RUFY3: variants seen among roughly 807,000 people sequenced by gnomAD.
The protein encoded by RUFY3 is RUN and FYVE domain containing 3.
RUFY3 carries 34 observed loss-of-function variants against 84.0 expected under a neutral mutation model. The ratio of observed to expected loss-of-function variants is 0.40; its 90% CI spans 0.31 to 0.54. The LOEUF is 0.54. Among genes scored for constraint, RUFY3 ranks in the 20% least tolerant of loss-of-function variants. RUFY3 has a pLI of 0.39. For synonymous variants in RUFY3, 242 were observed against 252.9 expected (o/e 0.96, Z 0.41); for missense variants, 507 against 736.8 (o/e 0.69, Z 3.61).
intron 1 of RUFY3, among the ~76,000 whole-genome samples, chr4:70,743,155 G>A (rs1213151045): frequency 6.6e-6 from 1 of 152,042 alleles, no homozygotes; most frequent in African/African-American, 2.4e-5. Context: ...TGCAACTTCT[G>A]CCTCCTGGGG....
At chr4:70,740,300 C>G (rs1041111312) in intron 1 of RUFY3, among the ~76,000 whole-genome samples, 2 of 152,146 alleles carry the variant, frequency 1.3e-5, no homozygotes, top group African/African-American at 2.4e-5. Context: ...ATACTTAAAA[C>G]TTTAATCTCT....
At chr4:70,749,552 G>T (rs1196410722) in intron 1 of RUFY3, among the ~76,000 whole-genome samples, 1 of 150,434 alleles carries the variant, frequency 6.6e-6, no homozygotes, top group Non-Finnish European at 1.5e-5. Flanking sequence ...TATATACGGA[G>T]GTAGAAGAAA....
rs186375837 is a variant in RUFY3, at chr4:70,730,752, A to G, written c.178+8001A>G. On this transcript the variant is annotated intron_variant, in intron 1 of 17. Coordinates refer to ENST00000381006, the MANE Select transcript of RUFY3 (RefSeq NM_001037442.4). ...GAGTGAAACTCCATCTCAAAAATTA[A>G]AAAAAGTAAAATAAGCTGACATTCA... Among the ~76,000 whole-genome samples, 264 of 152,062 alleles carry G rather than the reference A, an allele frequency of 1.7e-3. 3 individuals carry two copies. Among genetic ancestry groups the G allele is most frequent in the Non-Finnish European group, 1.3e-3 (87 of 67,996 alleles).
intron 1 of RUFY3, among the ~76,000 whole-genome samples, chr4:70,737,346 T>G (rs1167327810): frequency 1.3e-5 from 2 of 152,194 alleles, no homozygotes; most frequent in Non-Finnish European, 2.9e-5. Flanking sequence ...ATTTGCTTTT[T>G]GGGATGAAAA....
rs571075193 is a variant in RUFY3 at position 70,807,480 on chromosome 4, G to A, written c.*821G>A. Among the ~76,000 whole-genome samples, 1 of 152,268 alleles carries A rather than the reference G, an allele frequency of 6.6e-6. No individual in the cohort carries two copies. Among genetic ancestry groups the A allele is most frequent in the East Asian group, 1.9e-4 (1 of 5,184 alleles). ...AAATAGGGTTTGGCTTTTGCAAATAGAAGATATTGATTAAAGCAAAGTCAA... is the reference window on the plus strand; with the variant it reads ...AAATAGGGTTTGGCTTTTGCAAATAAAAGATATTGATTAAAGCAAAGTCAA... On this transcript the variant is annotated 3_prime_UTR_variant, in exon 18 of 18. Coordinates refer to ENST00000381006, the MANE Select transcript of RUFY3 (RefSeq NM_001037442.4).
chr4:70,806,709 C>A lies in RUFY3; in HGVS notation c.*50C>A. ...AAACGTTTATGCAGGCTCCTCTGTA[C>A]CTGTGTTTTAGCTGTCAGGATCTCA... On this transcript the variant is annotated 3_prime_UTR_variant, in exon 18 of 18. Transcript: ENST00000381006. 1 of 1,604,920 alleles carries A rather than the reference C, an allele frequency of 6.2e-7. No individual in the cohort carries two copies.
chr4:70,793,983 A>T (rs1345223002), intron 13 of RUFY3, 79 bp downstream of exon 13: 3 of 1,509,936 alleles, frequency 2.0e-6, no homozygotes, highest in Non-Finnish European at 2.7e-6. Flanking sequence ...GGGTCTCATG[A>T]CTTCCAGCCA....
intron 2 of RUFY3, 105 bp downstream of exon 2, chr4:70,762,797 TTAA>T: frequency 4.2e-6 from 4 of 942,046 alleles, no homozygotes; most frequent in Non-Finnish European, 6.3e-6. Context: ...GAGGCTTGAA[TTAA>T]TAATATTAAT....
intron 8 of RUFY3, among the ~76,000 whole-genome samples, 168 bp from the exon 9 acceptor site, chr4:70,782,920 AAAG>A (rs1242688974): frequency 2.6e-5 from 4 of 152,168 alleles, no homozygotes; most frequent in Admixed American, 2.6e-4. Flanking sequence ...TCAGAAAAAT[AAAG>A]AAAAATATTT....
chr4:70,779,039 A>C (rs1728462347), intron 8 of RUFY3, among the ~76,000 whole-genome samples: 1 of 152,228 alleles, frequency 6.6e-6, no homozygotes, highest in Non-Finnish European at 1.5e-5. Flanking sequence ...AATGTTTAGC[A>C]TATAGCATAT....
In RUFY3 at chr4:70,794,544, G is replaced by A. The variant is rs1487951418; in HGVS notation, c.1458-251G>A. 7 of 423,240 alleles carry A rather than the reference G, an allele frequency of 1.7e-5. 1 individual carries two copies. Among genetic ancestry groups the A allele is most frequent in the Non-Finnish European group, 2.9e-5 (7 of 241,296 alleles). The allele number at this position is 423,240 out of a possible 1,614,324, so 26.2% of individuals were successfully genotyped here. On this transcript the variant is annotated intron_variant, in intron 13 of 17. Transcript: ENST00000381006. ...TACGGTGACCTGAGATCATGCCACT[G>A]CACTCCAGCCTGGCAACAGAACAAG...
intron 4 of RUFY3, among the ~76,000 whole-genome samples, chr4:70,767,860 G>A (rs533081934): frequency 6.6e-6 from 1 of 152,044 alleles, no homozygotes; most frequent in East Asian, 1.9e-4. Context: ...TGTATTTTTA[G>A]TAGAGATGGG....
chr4:70,789,429 AG>A, intron 11 of RUFY3, 65 bp from the exon 12 acceptor site: 1 of 1,365,920 alleles, frequency 7.3e-7, no homozygotes, highest in Non-Finnish European at 1.0e-6. Context: ...TAGATTCAAA[AG>A]GCATGTGTGG....
At chr4:70,799,992 GAA>G in intron 14 of RUFY3, 147 bp from the exon 15 acceptor site, 1 of 627,974 alleles carries the variant, frequency 1.6e-6, no homozygotes, top group Non-Finnish European at 2.8e-6. Context: ...AAAGAATGAG[GAA>G]ACATAGCTTG....
chr4:70,730,259 T>C, intron 1 of RUFY3, among the ~76,000 whole-genome samples: 1 of 152,030 alleles, frequency 6.6e-6, no homozygotes, highest in Admixed American at 6.6e-5. Flanking sequence ...CTTTTAGGGA[T>C]AAGGAGTCTG....
intron 5 of RUFY3, among the ~76,000 whole-genome samples, chr4:70,771,343 C>T (rs900465790): frequency 2.0e-5 from 3 of 151,918 alleles, no homozygotes; most frequent in African/African-American, 7.3e-5. Flanking sequence ...AAAATATATG[C>T]AGTTGACTCT....
chr4:70,721,668 G>T (rs1742319738), upstream of RUFY3, among the ~76,000 whole-genome samples: 1 of 152,038 alleles, frequency 6.6e-6, no homozygotes, highest in South Asian at 2.1e-4. Context: ...TGAATTATAT[G>T]CTTGTTAAAT....
At chr4:70,759,372 A>ATGTGTGTG (rs56698934) in intron 1 of RUFY3, among the ~76,000 whole-genome samples, 2 of 146,902 alleles carry the variant, frequency 1.4e-5, no homozygotes, top group African/African-American at 2.5e-5. Context: ...GTGTGTGTGT[A>ATGTGTGTG]TGTGTGTGTG....
intron 12 of RUFY3, chr4:70,792,773 TG>T: frequency 2.0e-6 from 2 of 985,400 alleles, no homozygotes; most frequent in Non-Finnish European, 2.4e-6. Context: ...AGATTGGACT[TG>T]AACCAAAATT....
Sources: allele counts gnomAD v4.1 joint callset (sites outside exome capture counted in the v4.1 genomes callset), GRCh38; gene constraint gnomAD v4.1.1; transcripts MANE v1.5; gene names NCBI Gene and HGNC (gene_info 2026-07-23, HGNC 2026-07-21).